Variants in MCPH1 observed in about 807,000 individuals in gnomAD.
MCPH1 encodes microcephalin.
MCPH1 carries 104 observed loss-of-function variants against 84.5 expected under a neutral mutation model. The ratio of observed to expected loss-of-function variants is 1.23; its 90% CI spans 1.05 to 1.45. The LOEUF (loss-of-function observed/expected upper bound fraction) is 1.45. Ranked by LOEUF, MCPH1 falls within the 40% of genes most tolerant of loss-of-function variation. MCPH1 has a pLI of 0.00. For synonymous variants in MCPH1, 514 were observed against 366.8 expected (o/e 1.40, Z -4.58); for missense variants, 1,498 against 1,005.7 (o/e 1.49, Z -6.62).
chr8:6,446,092 G>C, intron 8 of MCPH1: 8 of 978,830 alleles, frequency 8.2e-6, no homozygotes, highest in Non-Finnish European at 9.7e-6. Flanking sequence ...AAACATTTTT[G>C]ATCATTTGTA....
chr8:6,577,541 T>C (rs1457872351), intron 12 of MCPH1, among the ~76,000 whole-genome samples: 1 of 152,258 alleles, frequency 6.6e-6, no homozygotes, highest in East Asian at 1.9e-4. Flanking sequence ...TGCCATTCCT[T>C]TTCAAGACAA....
intron 11 of MCPH1, among the ~76,000 whole-genome samples, chr8:6,489,171 T>C (rs991288175): frequency 3.9e-5 from 6 of 152,132 alleles, no homozygotes; most frequent in Admixed American, 3.9e-4. Context: ...TATCAGATTA[T>C]ATATATGTAC....
In MCPH1 at chr8:6,479,895, C is replaced by T. The variant is rs988955809; in HGVS notation, c.1974-819C>T. Among the ~76,000 whole-genome samples, 3 of 151,944 alleles carry T rather than the reference C, an allele frequency of 2.0e-5. No homozygotes were observed. The East Asian group carries it at 5.8e-4, about 29-fold the overall frequency. ...TCATGAGCTTTGTGACAAATAGGTCCCAGATTTGATTTGATGATTTAATAA... is the reference window on the plus strand; with the variant it reads ...TCATGAGCTTTGTGACAAATAGGTCTCAGATTTGATTTGATGATTTAATAA... On this transcript the variant is annotated intron_variant, in intron 10 of 13. Coordinates refer to ENST00000344683, the MANE Select transcript of MCPH1 (RefSeq NM_024596.5).
chr8:6,430,388 T>G (rs143066767), intron 3 of MCPH1, among the ~76,000 whole-genome samples: 1 of 152,264 alleles, frequency 6.6e-6, no homozygotes, highest in East Asian at 1.9e-4. Context: ...TAATGCGAGA[T>G]GAGAAAGGAA....
intron 12 of MCPH1, among the ~76,000 whole-genome samples, chr8:6,576,018 T>TA (rs1295111743): frequency 6.8e-6 from 1 of 146,346 alleles, no homozygotes; most frequent in Non-Finnish European, 1.5e-5. Flanking sequence ...GGTACTTTGT[T>TA]ACAACAACCC....
chr8:6,552,232 A>G (rs1427687032), intron 12 of MCPH1, among the ~76,000 whole-genome samples: 6 of 152,258 alleles, frequency 3.9e-5, no homozygotes, highest in African/African-American at 1.4e-4. Context: ...TAGAAACAAC[A>G]TGCAGAAGCA....
intron 10 of MCPH1, among the ~76,000 whole-genome samples, chr8:6,478,483 T>C (rs1311885122): frequency 1.3e-5 from 2 of 152,226 alleles, no homozygotes; most frequent in Admixed American, 6.5e-5. Flanking sequence ...AAATTACTAG[T>C]TAACTGCTTA....
chr8:6,605,525 C>T (rs1399866331), intron 12 of MCPH1, among the ~76,000 whole-genome samples: 1 of 152,204 alleles, frequency 6.6e-6, no homozygotes, highest in Non-Finnish European at 1.5e-5. Flanking sequence ...CTGTAAACCT[C>T]TACTGTCTTA....
chr8:6,475,717 G>A (rs973327950), intron 9 of MCPH1, among the ~76,000 whole-genome samples: 2 of 152,114 alleles, frequency 1.3e-5, no homozygotes, highest in Non-Finnish European at 1.5e-5. Flanking sequence ...CACCTTTACT[G>A]GGGGCCAGGG....
chr8:6,436,311 C>T, intron 5 of MCPH1, 149 bp downstream of exon 5: 1 of 863,600 alleles, frequency 1.2e-6, no homozygotes, highest in Non-Finnish European at 1.7e-6. Context: ...TGTCAGGAGC[C>T]TGCGGGAGAC....
rs773186137 is a variant in MCPH1, at chr8:6,444,596, C to T, written c.874C>T (p.Leu292=). ...HLDKSSPQKF[L]SNLSKEEINL... ...CGATAAATCAAGTCCTCAGAAATTTCTGAGTAATCTTTCAAAGGAAGAAAT... is the reference window on the plus strand; with the variant it reads ...CGATAAATCAAGTCCTCAGAAATTTTTGAGTAATCTTTCAAAGGAAGAAAT... Residue 292 remains leucine (L), a synonymous_variant, in exon 8 of 14, where the codon CTG becomes TTG. Transcript: ENST00000344683. 1.2e-6 allele frequency: 2 copies of T among 1,614,154 alleles called. No homozygotes were observed. The highest frequency in any genetic ancestry group is 2.2e-5 in the South Asian group (2 of 91,086).
Position 6,444,945 on chromosome 8 carries a change from G to T in MCPH1, c.1223G>T (p.Gly408Val). ...AGPALEALSC[G>V]ESSYDDYFSP... ...CCTGCCCTGGAGGCTCTTAGCTGTG[G>T]GGAGTCTTCATATGATGACTATTTT... The change falls in exon 8 of 14, where the codon GGG (glycine) becomes GTG (valine). Residue 408 changes from glycine (G) to valine (V), a missense_variant. Coordinates refer to ENST00000344683, the MANE Select transcript of MCPH1 (RefSeq NM_024596.5). 3 of 1,614,176 alleles carry T rather than the reference G, an allele frequency of 1.9e-6. No individual in the cohort carries two copies. Among genetic ancestry groups the T allele is most frequent in the Non-Finnish European group, 2.5e-6 (3 of 1,180,024 alleles).
intron 9 of MCPH1, among the ~76,000 whole-genome samples, chr8:6,464,802 A>G (rs1806669233): frequency 6.6e-6 from 1 of 152,232 alleles, no homozygotes; most frequent in Non-Finnish European, 1.5e-5. Context: ...GTTTGAGACC[A>G]GCCTGGCCAA....
chr8:6,433,678 A>G (rs1239715495), intron 4 of MCPH1, among the ~76,000 whole-genome samples: 2 of 150,614 alleles, frequency 1.3e-5, no homozygotes, highest in African/African-American at 4.9e-5. Context: ...TACTCTGACC[A>G]ATATTGGATG....
At chr8:6,444,352 A>G in intron 7 of MCPH1, 41 bp from the exon 8 acceptor site, 1 of 1,612,074 alleles carries the variant, frequency 6.2e-7, no homozygotes, top group Non-Finnish European at 8.5e-7. Flanking sequence ...AGAATAATTT[A>G]AACCACTTTT....
intron 3 of MCPH1, among the ~76,000 whole-genome samples, chr8:6,428,966 T>C (rs1801453632): frequency 6.6e-6 from 1 of 152,230 alleles, no homozygotes; most frequent in Admixed American, 6.5e-5. Flanking sequence ...TCAGGTATTA[T>C]CTAGTGACTT....
At chr8:6,423,750 A>G (rs1008408851) in intron 3 of MCPH1, among the ~76,000 whole-genome samples, 3 of 152,204 alleles carry the variant, frequency 2.0e-5, no homozygotes, top group African/African-American at 4.8e-5. Context: ...ATATTTAAAT[A>G]TGATAGATGC....
At position 6,436,115 on chromosome 8, in the gene MCPH1, A is replaced by C; in HGVS notation, c.389A>C (p.Lys130Thr). 1 of 1,613,904 alleles carries C rather than the reference A, an allele frequency of 6.2e-7. No individual in the cohort carries two copies. The highest frequency in any genetic ancestry group is 8.5e-7 in the Non-Finnish European group (1 of 1,179,858). The change falls in exon 5 of 14, where the codon AAA becomes ACA. Residue 130 changes from lysine (K) to threonine (T), a missense_variant. Coordinates refer to ENST00000344683, the MANE Select transcript of MCPH1 (RefSeq NM_024596.5). ...TPENDKRFQKKFEKMAKELQR... is the reference protein window; with the variant it reads ...TPENDKRFQKTFEKMAKELQR... Reference sequence around the variant, plus strand: ...GAAAATGATAAGAGATTTCAGAAGAAATTTGAGAAAATGGCTAAAGAGCTA... The same window carrying C: ...GAAAATGATAAGAGATTTCAGAAGACATTTGAGAAAATGGCTAAAGAGCTA...
intron 6 of MCPH1, among the ~76,000 whole-genome samples, chr8:6,441,033 C>G (rs1377105077): frequency 6.6e-6 from 1 of 152,150 alleles, no homozygotes; most frequent in Non-Finnish European, 1.5e-5. Context: ...CTTTTGACAG[C>G]CTTACCAGAC....
Sources: gnomAD v4.1 joint callset for allele counts (sites outside exome capture counted in the v4.1 genomes callset) on GRCh38, gnomAD v4.1.1 for gene constraint, MANE v1.5 for transcripts, NCBI Gene and HGNC (gene_info 2026-07-23, HGNC 2026-07-21) for gene names.